The following FTCDNL1 variants were observed in gnomAD, a reference collection of about 807,000 sequenced individuals.
FTCDNL1 encodes formiminotransferase cyclodeaminase N-terminal like, also known as formiminotransferase N-terminal subdomain-containing protein.
A neutral mutation model predicts 5.9 loss-of-function variants in FTCDNL1; 11 were observed. That is an observed-to-expected ratio of 1.87 (90% CI 1.18 to 3.10). FTCDNL1 has a LOEUF of 3.10. FTCDNL1 is among the 30% of genes most tolerant of loss of function. FTCDNL1 has a pLI of 0.00. For missense variants in FTCDNL1, 115 were observed against 65.5 expected, an observed-to-expected ratio of 1.76 and a Z score of -2.61; for synonymous variants, 58 against 24.8, an observed-to-expected ratio of 2.34 and a Z score of -3.99.
chr2:199,740,134 CT>C, the FTCDNL1 span, among the ~76,000 whole-genome samples: 1 of 152,218 alleles, frequency 6.6e-6, no homozygotes, highest in South Asian at 2.1e-4. Flanking sequence ...AGAATTATAA[CT>C]GCAAAGAATC....
chr2:199,701,645 C>T, the FTCDNL1 span, among the ~76,000 whole-genome samples: 1 of 152,170 alleles, frequency 6.6e-6, no homozygotes. Flanking sequence ...TATAAAATCA[C>T]ATCCTTCACA....
chr2:199,685,080 A>T, the FTCDNL1 span, among the ~76,000 whole-genome samples: 1 of 152,214 alleles, frequency 6.6e-6, no homozygotes, highest in African/African-American at 2.4e-5. Context: ...TGTTAATGTA[A>T]CTTTCCCTTT....
chr2:199,689,642 G>C, the FTCDNL1 span, among the ~76,000 whole-genome samples: 2 of 151,954 alleles, frequency 1.3e-5, no homozygotes, highest in Non-Finnish European at 2.9e-5. Flanking sequence ...TCAAATTCAT[G>C]ATAAATTGCT....
chr2:199,772,772 A>C (rs1698876174), intron 3 of FTCDNL1, among the ~76,000 whole-genome samples: 1 of 152,246 alleles, frequency 6.6e-6, no homozygotes, highest in African/African-American at 2.4e-5. Flanking sequence ...CCTCAAGATA[A>C]GACCTTAAAT....
chr2:199,697,296 T>C, the FTCDNL1 span, among the ~76,000 whole-genome samples: 1 of 151,798 alleles, frequency 6.6e-6, no homozygotes, highest in Non-Finnish European at 1.5e-5. Flanking sequence ...TAAAAAAAGA[T>C]GCTATATGAC....
the FTCDNL1 span, among the ~76,000 whole-genome samples, chr2:199,703,943 G>A: frequency 6.6e-6 from 1 of 152,098 alleles, no homozygotes; most frequent in Admixed American, 6.6e-5. Flanking sequence ...AAGGTCTACG[G>A]AGTAGGCTTT....
At chr2:199,720,270 T>C in the FTCDNL1 span, among the ~76,000 whole-genome samples, 1 of 152,212 alleles carries the variant, frequency 6.6e-6, no homozygotes, top group Admixed American at 6.5e-5. Flanking sequence ...TTGAATTGTA[T>C]GACCCTATTG....
At chr2:199,744,571 G>A in the FTCDNL1 span, among the ~76,000 whole-genome samples, 75 of 152,288 alleles carry the variant, frequency 4.9e-4, no homozygotes, top group African/African-American at 1.7e-3. Context: ...CTTGATCTCA[G>A]GCTTCCAGCC....
intron 3 of FTCDNL1, among the ~76,000 whole-genome samples, chr2:199,835,406 C>T (rs776390636): frequency 2.4e-4 from 36 of 152,052 alleles, no homozygotes; most frequent in African/African-American, 6.3e-4. Flanking sequence ...ACATAATAAA[C>T]GATAATTAAT....
chr2:199,822,017 G>C (rs1701723918), intron 3 of FTCDNL1, among the ~76,000 whole-genome samples: 1 of 152,152 alleles, frequency 6.6e-6, no homozygotes, highest in African/African-American at 2.4e-5. Context: ...GTTTCCCAGT[G>C]CATATAAAAG....
the FTCDNL1 span, among the ~76,000 whole-genome samples, chr2:199,705,977 A>C: frequency 6.6e-6 from 1 of 152,264 alleles, no homozygotes; most frequent in South Asian, 2.1e-4. Context: ...CTTGCTAATA[A>C]TCCCTGTCTT....
chr2:199,684,084 A>G, the FTCDNL1 span, among the ~76,000 whole-genome samples: 1 of 152,230 alleles, frequency 6.6e-6, no homozygotes, highest in Non-Finnish European at 1.5e-5. Flanking sequence ...GTCTGTTGTT[A>G]CCACTTGCCA....
the FTCDNL1 span, among the ~76,000 whole-genome samples, chr2:199,733,979 T>A: frequency 6.6e-6 from 1 of 152,118 alleles, no homozygotes; most frequent in South Asian, 2.1e-4. Flanking sequence ...CAAAAATAGT[T>A]TGAGAGGTGC....
At chr2:199,776,927 T>TATACAC (rs745763683) in intron 3 of FTCDNL1, among the ~76,000 whole-genome samples, 10 of 147,550 alleles carry the variant, frequency 6.8e-5, no homozygotes, top group Middle Eastern at 3.5e-3. Context: ...TATATATATA[T>TATACAC]ACACACACAC....
the FTCDNL1 span, among the ~76,000 whole-genome samples, chr2:199,719,811 AT>A: frequency 5.9e-5 from 9 of 151,490 alleles, no homozygotes; most frequent in African/African-American, 2.2e-4. Flanking sequence ...ATTTTTTAAT[AT>A]TTTTTGTAGA....
At chr2:199,844,487 T>A (rs1427820169) in intron 3 of FTCDNL1, 6 of 665,716 alleles carry the variant, frequency 9.0e-6, no homozygotes, top group African/African-American at 8.9e-5. Flanking sequence ...AACTTCCATA[T>A]CGATAGCCTG....
chr2:199,848,180 A>G (rs1434251499), intron 2 of FTCDNL1, among the ~76,000 whole-genome samples: 3 of 152,228 alleles, frequency 2.0e-5, no homozygotes, highest in Non-Finnish European at 4.4e-5. Flanking sequence ...ACCATGTGTC[A>G]CCACAGGAAC....
chr2:199,702,340 C>T, the FTCDNL1 span, among the ~76,000 whole-genome samples: 25 of 152,170 alleles, frequency 1.6e-4, no homozygotes, highest in African/African-American at 5.3e-4. Context: ...AACCAGAATT[C>T]GAGTCATCAC....
At chr2:199,848,275 C>T (rs1271963862) in intron 2 of FTCDNL1, among the ~76,000 whole-genome samples, 1 of 152,200 alleles carries the variant, frequency 6.6e-6, no homozygotes, top group African/African-American at 2.4e-5. Flanking sequence ...GAGTTCCAGT[C>T]TTCTGTCACC....
Sources: allele counts gnomAD v4.1 joint callset (sites outside exome capture counted in the v4.1 genomes callset), GRCh38; gene constraint gnomAD v4.1.1; transcripts MANE v1.5; gene names NCBI Gene and HGNC (gene_info 2026-07-23, HGNC 2026-07-21).